Variants in NACC2 observed in about 807,000 individuals in gnomAD.
NACC2 encodes the protein NACC family member 2, also known as nucleus accumbens-associated protein 2.
In NACC2, 8 loss-of-function variants were observed where a neutral mutation model predicts 25.1. That is an observed-to-expected ratio of 0.32 (90% confidence interval 0.19 to 0.57). NACC2 has a LOEUF of 0.57. NACC2 is among the 20% of genes least tolerant of loss of function. NACC2 has a pLI of 0.89. For synonymous variants in NACC2, 435 were observed against 294.7 expected (o/e 1.48, Z -4.88); for missense variants, 644 against 650.2 (o/e 0.99, Z 0.10).
chr9:136,044,509 T>C (rs1840689725), intron 2 of NACC2, among the ~76,000 whole-genome samples: 2 of 152,220 alleles, frequency 1.3e-5, no homozygotes, highest in East Asian at 1.9e-4. Context: ...CCATCTCTGC[T>C]TGGGGCCTCC....
chr9:136,033,048 C>T (rs1241076674), intron 2 of NACC2, among the ~76,000 whole-genome samples: 2 of 151,968 alleles, frequency 1.3e-5, no homozygotes, highest in African/African-American at 2.4e-5. Context: ...TGGTGGCACA[C>T]ACCTGTAATT....
chr9:136,011,489 G>C lies in NACC2; in HGVS notation c.*27C>G, dbSNP rs1840104784. ...CGCATGCAAGCAGCTCTAGTACTCG[G>C]TCCCTCGCGCAGCCACCCAGCTCCG... On this transcript the variant is annotated 3_prime_UTR_variant, in exon 6 of 6. Transcript: ENST00000277554. The C allele has an allele frequency of 1.5e-6, 2 of 1,354,006 alleles. No individual in the cohort carries two copies. Among genetic ancestry groups the C allele is most frequent in the African/African-American group, 1.5e-5 (1 of 66,228 alleles). 83.9% of individuals were successfully genotyped at this position (1,354,006 alleles called of 1,614,324 possible). A position where few individuals can be genotyped will look rare whatever the true frequency, so the allele number is the denominator to read the frequency against.
intron 1 of NACC2, 131 bp downstream of exon 1, chr9:136,095,058 G>C (rs1830475634): frequency 6.8e-6 from 1 of 146,122 alleles, no homozygotes; most frequent in East Asian, 2.0e-4. Flanking sequence ...CCGCGCGGCC[G>C]GCACTGCGGC....
At chr9:136,024,003 G>A (rs529807664) in intron 2 of NACC2, among the ~76,000 whole-genome samples, 3 of 152,354 alleles carry the variant, frequency 2.0e-5, no homozygotes, top group South Asian at 2.1e-4. Context: ...GGAAGCTCCC[G>A]GGATGTGTGC....
Position 136,050,117 on chromosome 9 carries a change from G to A in NACC2, c.405C>T (p.Ile135=), listed in dbSNP as rs1191153422. 1.3e-6 allele frequency: 1 copy of A among 759,006 alleles called. No homozygotes were observed. Among genetic ancestry groups the A allele is most frequent in the Non-Finnish European group, 2.4e-6 (1 of 410,852 alleles). The allele number at this position is 759,006 out of a possible 1,614,324, so 47.0% of individuals were successfully genotyped here. A position where few individuals can be genotyped will look rare whatever the true frequency, so the allele number is the denominator to read the frequency against. ...SPHCDSQTAV[I]EDAGSEPQSP... is the part of the protein sequence containing the mutation. ...TCTGGGGCTCGGAGCCGGCGTCCTC[G>A]ATCACAGCGGTCTGCGAGTCGCAGT... The change falls in exon 2 of 6, where the codon ATC becomes ATT. Residue 135 remains isoleucine (I), a synonymous_variant. Transcript: ENST00000277554.
chr9:136,053,988 C>T (rs1422027466), intron 1 of NACC2, among the ~76,000 whole-genome samples: 1 of 152,176 alleles, frequency 6.6e-6, no homozygotes, highest in African/African-American at 2.4e-5. Flanking sequence ...CCCGTGGGCA[C>T]CAGCCACTTC....
Position 136,055,499 on chromosome 9 carries a change from C to T in NACC2, c.-59-4919G>A, listed in dbSNP as rs1840911106. Among the ~76,000 whole-genome samples the T allele has an allele frequency of 6.6e-6, 1 of 152,172 alleles. No individual in the cohort carries two copies. Among genetic ancestry groups the T allele is most frequent in the East Asian group, 1.9e-4 (1 of 5,186 alleles). ...GGGCCCAGCCAGGCAGCTCCATGGT[C>T]TGAGGGCCTCGCCCAGAGTCCCCAG... On this transcript the variant is annotated intron_variant, in intron 1 of 5. Transcript: ENST00000277554. This position sits in a 1 kb window ranked among gnomAD's most constrained non-coding sequence, Gnocchi z 4.9.
intron 5 of NACC2, among the ~76,000 whole-genome samples, chr9:136,012,452 C>A (rs894420239): frequency 6.6e-6 from 1 of 152,230 alleles, no homozygotes; most frequent in Non-Finnish European, 1.5e-5. Flanking sequence ...CACTCGCCTC[C>A]TTTCTCTGGC....
intron 2 of NACC2, among the ~76,000 whole-genome samples, chr9:136,036,824 T>C (rs1220384345): frequency 6.6e-6 from 1 of 152,158 alleles, no homozygotes; most frequent in Non-Finnish European, 1.5e-5. Flanking sequence ...AGAAGAATAT[T>C]TGAAGAAACA....
intron 1 of NACC2, among the ~76,000 whole-genome samples, chr9:136,051,876 AAGGAGGAGGAGGAGGAGG>A (rs1162435573): frequency 4.5e-5 from 6 of 132,330 alleles, no homozygotes; most frequent in South Asian, 2.4e-4. Flanking sequence ...GGGAGCCGGC[AAGGAGGAGGAGGAGGAGG>A]AGGAGGAGGA....
intron 2 of NACC2, among the ~76,000 whole-genome samples, chr9:136,024,089 CAG>C (rs1207404463): frequency 6.8e-6 from 1 of 147,340 alleles, no homozygotes; most frequent in Non-Finnish European, 1.5e-5. Flanking sequence ...GAGTGAGGGC[CAG>C]AGTGTGTGTG....
intron 5 of NACC2, among the ~76,000 whole-genome samples, chr9:136,012,652 G>GTTTTTTTTTTT (rs540279008): frequency 1.5e-5 from 2 of 133,134 alleles, no homozygotes; most frequent in African/African-American, 2.8e-5. Flanking sequence ...GCCTCACAAG[G>GTTTTTTTTTTT]TTTTTTTTTT....
intron 2 of NACC2, among the ~76,000 whole-genome samples, chr9:136,049,035 T>TAAAC: frequency 6.6e-6 from 1 of 152,308 alleles, no homozygotes; most frequent in East Asian, 1.9e-4. Context: ...CAGCAAAGCC[T>TAAAC]GAACAGTCTC....
chr9:136,043,114 A>G (rs545522511), intron 2 of NACC2, among the ~76,000 whole-genome samples: 8 of 152,354 alleles, frequency 5.3e-5, no homozygotes, highest in African/African-American at 1.7e-4. Context: ...GCCGTAAAAT[A>G]CAACTTTAAT....
intron 2 of NACC2, among the ~76,000 whole-genome samples, chr9:136,023,887 T>A (rs1420380819): frequency 6.6e-6 from 1 of 152,230 alleles, no homozygotes; most frequent in Non-Finnish European, 1.5e-5. Context: ...ATGCACGGGA[T>A]GCCACCCACA....
At chr9:136,076,920 G>A (rs923560951) in intron 1 of NACC2, among the ~76,000 whole-genome samples, 8 of 152,014 alleles carry the variant, frequency 5.3e-5, no homozygotes, top group Admixed American at 1.3e-4. Context: ...GGCGGAGAAT[G>A]GCGTGAACCC....
At chr9:136,087,858 G>C (rs574795305) in intron 1 of NACC2, among the ~76,000 whole-genome samples, 2 of 152,222 alleles carry the variant, frequency 1.3e-5, no homozygotes, top group Non-Finnish European at 2.9e-5. Flanking sequence ...TGAGCTGCTC[G>C]AGGGAGGGCA....
intron 1 of NACC2, among the ~76,000 whole-genome samples, chr9:136,066,494 A>G (rs10858216): frequency 0.44 from 66,714 of 152,090 alleles, 15,367 homozygotes; most frequent in Non-Finnish European, 0.51. Context: ...TCAAAAAGAC[A>G]GAAAACAAAG....
chr9:136,037,938 A>T (rs12342424), intron 2 of NACC2, among the ~76,000 whole-genome samples: 19,420 of 152,150 alleles, frequency 0.13, 1,733 homozygotes, highest in East Asian at 0.35. Context: ...ATTATTAAAA[A>T]CCTAATGTCC....
Sources: allele counts gnomAD v4.1 joint callset (sites outside exome capture counted in the v4.1 genomes callset), GRCh38; gene constraint gnomAD v4.1.1; non-coding constraint Gnocchi (gnomAD v3.1); transcripts MANE v1.5; gene names NCBI Gene and HGNC (gene_info 2026-07-23, HGNC 2026-07-21).